The following PTN variants were observed in gnomAD, a reference collection of about 807,000 sequenced individuals.
PTN encodes pleiotrophin.
Under a neutral mutation model 24.1 loss-of-function variants are expected in PTN, and 18 were observed. The ratio of observed to expected loss-of-function variants is 0.75; its 90% CI spans 0.52 to 1.11. The LOEUF (loss-of-function observed/expected upper bound fraction) is 1.11. Among genes scored for constraint, PTN ranks in the 50% least tolerant of loss-of-function variants. The pLI is 0.00. For synonymous variants in PTN, 78 were observed against 68.6 expected (o/e 1.14, Z -0.67); for missense variants, 163 against 198.8 (o/e 0.82, Z 1.08).
At chr7:137,332,417 T>C (rs1810374497) in intron 1 of PTN, among the ~76,000 whole-genome samples, 2 of 152,186 alleles carry the variant, frequency 1.3e-5, no homozygotes, top group African/African-American at 2.4e-5. Flanking sequence ...ATTTTTCACA[T>C]GGTTAAAATT....
In PTN at chr7:137,268,229, C is replaced by T. The variant is rs183952019; in HGVS notation, c.-1-13255G>A. Among the ~76,000 whole-genome samples, 750 of 152,226 alleles carry T rather than the reference C, an allele frequency of 4.9e-3. 3 individuals carry two copies. The highest frequency in any genetic ancestry group is 8.9e-3 in the Admixed American group (136 of 15,302). On this transcript the variant is annotated intron_variant, in intron 1 of 4. Transcript: ENST00000348225. ...GCCTACCCGGGAGCGCTCTCAGGAT[C>T]CGCGTCGCTCCGGCTGGTTGGAGTC... is the stretch of plus-strand genomic sequence containing the variant.
intron 1 of PTN, among the ~76,000 whole-genome samples, chr7:137,280,905 A>G (rs1809463330): frequency 6.6e-6 from 1 of 151,372 alleles, no homozygotes; most frequent in African/African-American, 2.4e-5. Flanking sequence ...TTTCAAAAAA[A>G]TAAGAATGAA....
At chr7:137,281,818 C>T (rs1809479351) in intron 1 of PTN, among the ~76,000 whole-genome samples, 1 of 152,032 alleles carries the variant, frequency 6.6e-6, no homozygotes, top group African/African-American at 2.4e-5. Context: ...ATTTAATAAC[C>T]AATATGTATG....
chr7:137,341,891 A>C (rs320725), intron 1 of PTN, among the ~76,000 whole-genome samples: 59,057 of 151,996 alleles, frequency 0.39, 11,744 homozygotes, highest in South Asian at 0.47. Context: ...CTCATCTTCT[A>C]ATTTAAATGA....
chr7:137,331,092 T>A (rs10282363), intron 1 of PTN, among the ~76,000 whole-genome samples: 2 of 152,008 alleles, frequency 1.3e-5, no homozygotes, highest in Non-Finnish European at 2.9e-5. Context: ...TTCTTTTGTC[T>A]TATTGGTCTT....
At chr7:137,248,972 T>C (rs1433152125) in intron 4 of PTN, among the ~76,000 whole-genome samples, 5 of 152,174 alleles carry the variant, frequency 3.3e-5, no homozygotes, top group Non-Finnish European at 7.4e-5. Flanking sequence ...TTTAGTGTCA[T>C]TTTTTCAAGC....
intron 4 of PTN, chr7:137,236,044 T>C (rs1032828930): frequency 4.9e-6 from 3 of 617,316 alleles, no homozygotes; most frequent in Non-Finnish European, 8.7e-6. Flanking sequence ...TAAAGTAGAT[T>C]TAATAGAAGG....
At chr7:137,309,266 A>G (rs322345) in intron 1 of PTN, among the ~76,000 whole-genome samples, 113,723 of 152,120 alleles carry the variant, frequency 0.75, 46,581 homozygotes, top group Non-Finnish European at 0.9. Context: ...GTCTTAAAAA[A>G]GTATTTATCT....
At chr7:137,277,774 T>C (rs1020953220) in intron 1 of PTN, among the ~76,000 whole-genome samples, 2 of 152,104 alleles carry the variant, frequency 1.3e-5, no homozygotes, top group African/African-American at 2.4e-5. Flanking sequence ...ACCACTATGC[T>C]GCTGAAGCTG....
chr7:137,333,439 C>A (rs549163556), intron 1 of PTN, among the ~76,000 whole-genome samples: 4 of 152,144 alleles, frequency 2.6e-5, no homozygotes, highest in Admixed American at 2.0e-4. Context: ...ACAATATGTT[C>A]CTTATTAATT....
chr7:137,311,926 A>G (rs914897457), intron 1 of PTN, among the ~76,000 whole-genome samples: 5 of 129,040 alleles, frequency 3.9e-5, no homozygotes, highest in East Asian at 2.0e-4. Context: ...GACTTGCTCA[A>G]TGCAGGGTTA....
At chr7:137,262,265 A>G (rs971664959) in intron 1 of PTN, among the ~76,000 whole-genome samples, 11 of 151,880 alleles carry the variant, frequency 7.2e-5, no homozygotes, top group Admixed American at 7.2e-4. Flanking sequence ...AATCCTTTTT[A>G]TATTTTTTAT....
intron 1 of PTN, among the ~76,000 whole-genome samples, chr7:137,324,365 C>T (rs190179443): frequency 7.0e-6 from 1 of 143,038 alleles, no homozygotes; most frequent in Non-Finnish European, 1.5e-5. Flanking sequence ...ATGATTATGC[C>T]TGTGAATAGC....
chr7:137,245,113 T>A (rs1221126477), intron 4 of PTN, among the ~76,000 whole-genome samples: 1 of 152,186 alleles, frequency 6.6e-6, no homozygotes, highest in Non-Finnish European at 1.5e-5. Context: ...GGTTTGCATA[T>A]TAATCCACGG....
intron 4 of PTN, among the ~76,000 whole-genome samples, chr7:137,242,808 C>T (rs921137399): frequency 6.6e-6 from 1 of 152,220 alleles, no homozygotes; most frequent in Non-Finnish European, 1.5e-5. Flanking sequence ...CTGACCCACA[C>T]AGACAGGACT....
intron 1 of PTN, among the ~76,000 whole-genome samples, chr7:137,319,653 T>G (rs897247922): frequency 6.6e-6 from 1 of 152,224 alleles, no homozygotes; most frequent in African/African-American, 2.4e-5. Flanking sequence ...AAAATGTCTC[T>G]GTGTGTCCAC....
At chr7:137,244,592 C>T (rs1808691899) in intron 4 of PTN, among the ~76,000 whole-genome samples, 1 of 151,262 alleles carries the variant, frequency 6.6e-6, no homozygotes, top group Non-Finnish European at 1.5e-5. Context: ...CAAGTGTTCT[C>T]ATTGTTCAAT....
chr7:137,229,729 C>A (rs144172300), intron 4 of PTN, among the ~76,000 whole-genome samples: 5 of 151,774 alleles, frequency 3.3e-5, no homozygotes, highest in Non-Finnish European at 2.9e-5. Flanking sequence ...TAACTTTTCA[C>A]GCTCTCTATT....
At chr7:137,301,815 T>C (rs1809810787) in intron 1 of PTN, among the ~76,000 whole-genome samples, 1 of 151,998 alleles carries the variant, frequency 6.6e-6, no homozygotes, top group South Asian at 2.1e-4. Context: ...TTGATTAATG[T>C]AAAAATTTTT....
Sources: gnomAD v4.1 joint callset for allele counts (sites outside exome capture counted in the v4.1 genomes callset) on GRCh38, gnomAD v4.1.1 for gene constraint, MANE v1.5 for transcripts, NCBI Gene and HGNC (gene_info 2026-07-23, HGNC 2026-07-21) for gene names.